Variants in LAMP3 observed in about 807,000 individuals in gnomAD.
LAMP3 encodes the protein lysosome-associated membrane glycoprotein 3.
In LAMP3, 26 loss-of-function variants were observed where a neutral mutation model predicts 34.8. The ratio of observed to expected loss-of-function variants is 0.75; its 90% CI spans 0.55 to 1.04. The LOEUF is 1.04. LAMP3 is among the 50% of genes least tolerant of loss of function. LAMP3 has a pLI of 0.00. For synonymous variants in LAMP3, 180 were observed against 201.9 expected, an observed-to-expected ratio of 0.89 and a Z score of 0.92; for missense variants, 495 against 524.0, an observed-to-expected ratio of 0.94 and a Z score of 0.54.
intron 5 of LAMP3, among the ~76,000 whole-genome samples, chr3:183,124,834 AAAAC>A (rs146636311): frequency 0.031 from 4,727 of 152,272 alleles, 241 homozygotes; most frequent in African/African-American, 0.11. Context: ...CTCCATCTCA[AAAAC>A]AAACAAACAA....
chr3:183,138,872 C>T (rs1720184641), intron 4 of LAMP3, among the ~76,000 whole-genome samples: 1 of 152,112 alleles, frequency 6.6e-6, no homozygotes, highest in African/African-American at 2.4e-5. Context: ...TCTGCAGGTC[C>T]TTGAACACAT....
At chr3:183,137,127 G>C (rs1268712459) in intron 4 of LAMP3, among the ~76,000 whole-genome samples, 8 of 152,060 alleles carry the variant, frequency 5.3e-5, no homozygotes, top group Admixed American at 5.2e-4. Context: ...AGACCAGCCT[G>C]GCCAATGTGG....
intron 4 of LAMP3, among the ~76,000 whole-genome samples, chr3:183,136,653 G>A (rs372543205): frequency 3.8e-3 from 386 of 100,492 alleles, no homozygotes; most frequent in Non-Finnish European, 5.0e-3. Context: ...CTCCGTTTCA[G>A]AAAAAAAAAA....
intron 1 of LAMP3, 93 bp downstream of exon 1, chr3:183,162,513 GC>G: frequency 7.8e-7 from 1 of 1,285,660 alleles, no homozygotes; most frequent in Non-Finnish European, 1.1e-6. Context: ...CCTACCCGCA[GC>G]CCGTCCTGTG....
intron 1 of LAMP3, among the ~76,000 whole-genome samples, chr3:183,157,565 C>T (rs902107425): frequency 3.3e-5 from 5 of 152,072 alleles, no homozygotes; most frequent in South Asian, 2.1e-4. Flanking sequence ...AGGAATATCT[C>T]GTGGTGAAAA....
chr3:183,153,755 T>C lies in LAMP3; in HGVS notation c.686A>G (p.Gln229Arg). ...QPSSVKTGIYQVLNGSRLCIK... is the reference protein window; with the variant it reads ...QPSSVKTGIYRVLNGSRLCIK... The stretch of plus-strand genomic sequence containing the variant: ...ACAGAGTCTGCTTCCGTTTAGAACC[T>C]GATAAATTCCAGTCTTGACTGACGA... Residue 229 changes from glutamine (Q) to arginine (R), a missense_variant, in exon 2 of 6, where the codon CAG (glutamine) becomes CGG (arginine). By Grantham distance (43) the Gln-to-Arg change is conservative. Transcript: ENST00000265598. 6.4e-7 allele frequency: 1 copy of C among 1,554,876 alleles called. No individual in the cohort carries two copies. The highest frequency in any genetic ancestry group is 8.7e-7 in the Non-Finnish European group (1 of 1,152,484).
intron 4 of LAMP3, among the ~76,000 whole-genome samples, chr3:183,136,653 G>GAAAAAAA (rs63647060): frequency 9.9e-6 from 1 of 100,604 alleles, no homozygotes; most frequent in Non-Finnish European, 1.9e-5. Flanking sequence ...CTCCGTTTCA[G>GAAAAAAA]AAAAAAAAAA....
intron 5 of LAMP3, 23 bp downstream of exon 5, chr3:183,135,694 A>C: frequency 6.2e-7 from 1 of 1,611,736 alleles, no homozygotes; most frequent in South Asian, 1.1e-5. Flanking sequence ...GTATGTTTGC[A>C]ACCTGATCGA....
At position 183,154,237 on chromosome 3, in the gene LAMP3, G is replaced by C; in HGVS notation, c.204C>G (p.Phe68Leu). 2 of 1,614,120 alleles carry C rather than the reference G, an allele frequency of 1.2e-6. No homozygotes were observed. The highest frequency in any genetic ancestry group is 8.5e-7 in the Non-Finnish European group (1 of 1,180,022). Reference protein sequence around the residue: ...QAPHQTLAARFMDGHITFQTA... With the variant: ...QAPHQTLAARLMDGHITFQTA... ...TTTGAAAGGTGATATGACCATCCAT[G>C]AATCTTGCTGCTAAAGTTTGGTGAG... Residue 68 changes from phenylalanine to leucine, a missense_variant, in exon 2 of 6, where the codon TTC (phenylalanine) becomes TTG (leucine). By Grantham distance (22) the Phe-to-Leu change is conservative. Transcript: ENST00000265598.
At chr3:183,137,930 C>T (rs369772511) in intron 4 of LAMP3, among the ~76,000 whole-genome samples, 2 of 152,020 alleles carry the variant, frequency 1.3e-5, no homozygotes, top group African/African-American at 4.8e-5. Flanking sequence ...AGCAATTCTC[C>T]TGCCTCAGAC....
At chr3:183,124,727 G>A (rs1035238163) in intron 5 of LAMP3, among the ~76,000 whole-genome samples, 1 of 152,192 alleles carries the variant, frequency 6.6e-6, no homozygotes, top group Non-Finnish European at 1.5e-5. Flanking sequence ...AGCTACTCGG[G>A]AGGCTGAGGC....
At chr3:183,137,032 C>T (rs148672194) in intron 4 of LAMP3, among the ~76,000 whole-genome samples, 367 of 150,858 alleles carry the variant, frequency 2.4e-3, no homozygotes, top group Non-Finnish European at 4.0e-3. Flanking sequence ...ATAAGTAGGC[C>T]GGGCATGGTG....
At chr3:183,142,211 C>T (rs577077896) in intron 3 of LAMP3, among the ~76,000 whole-genome samples, 3 of 152,188 alleles carry the variant, frequency 2.0e-5, no homozygotes, top group East Asian at 1.9e-4. Flanking sequence ...GTCCACAGTC[C>T]GGGTTACAAG....
intron 3 of LAMP3, among the ~76,000 whole-genome samples, chr3:183,140,843 G>T (rs746184148): frequency 6.6e-6 from 1 of 152,158 alleles, no homozygotes; most frequent in Non-Finnish European, 1.5e-5. Context: ...CTAGGGCCTG[G>T]TATTCAAATT....
chr3:183,126,776 T>C (rs1719790927), intron 5 of LAMP3, among the ~76,000 whole-genome samples: 1 of 152,100 alleles, frequency 6.6e-6, no homozygotes, highest in Non-Finnish European at 1.5e-5. Context: ...ACTACAAGGA[T>C]AGATAGGTTA....
intron 5 of LAMP3, among the ~76,000 whole-genome samples, chr3:183,127,907 G>GT (rs1719821312): frequency 6.6e-6 from 1 of 152,012 alleles, no homozygotes; most frequent in African/African-American, 2.4e-5. Flanking sequence ...TGAGGCAGGT[G>GT]GATCTCAAGG....
intron 5 of LAMP3, among the ~76,000 whole-genome samples, chr3:183,127,846 G>A (rs1426619576): frequency 6.6e-6 from 1 of 152,008 alleles, no homozygotes; most frequent in Non-Finnish European, 1.5e-5. Flanking sequence ...AATGTGTTCT[G>A]ACTGGCTGGG....
At chr3:183,156,432 C>G (rs1484464584) in intron 1 of LAMP3, among the ~76,000 whole-genome samples, 1 of 152,118 alleles carries the variant, frequency 6.6e-6, no homozygotes, top group East Asian at 1.9e-4. Flanking sequence ...TGAGAGATGC[C>G]TGCGTCCCTT....
At chr3:183,124,684 T>A (rs1719742374) in intron 5 of LAMP3, among the ~76,000 whole-genome samples, 2 of 151,988 alleles carry the variant, frequency 1.3e-5, no homozygotes, top group South Asian at 4.2e-4. Flanking sequence ...AATACAAAAT[T>A]AGCCGGGCGT....
Sources: allele counts gnomAD v4.1 joint callset (sites outside exome capture counted in the v4.1 genomes callset), GRCh38; gene constraint gnomAD v4.1.1; transcripts MANE v1.5; gene names NCBI Gene and HGNC (gene_info 2026-07-23, HGNC 2026-07-21).